Variants in ZNF704 observed in about 807,000 individuals in gnomAD.
ZNF704 encodes zinc finger protein 704.
ZNF704 carries 10 observed loss-of-function variants against 44.7 expected under a neutral mutation model. The ratio of observed to expected loss-of-function variants is 0.22; its 90% CI spans 0.14 to 0.38. ZNF704 has a LOEUF of 0.38. Ranked by LOEUF, ZNF704 falls within the 10% of genes least tolerant of loss-of-function variation. The pLI is 1.00. For synonymous variants in ZNF704, 211 were observed against 207.6 expected, an observed-to-expected ratio of 1.02 and a Z score of -0.14; for missense variants, 390 against 545.5, an observed-to-expected ratio of 0.71 and a Z score of 2.84.
chr8:80,784,442 T>C (rs1243681171), intron 2 of ZNF704, among the ~76,000 whole-genome samples: 1 of 152,222 alleles, frequency 6.6e-6, no homozygotes, highest in Non-Finnish European at 1.5e-5. Context: ...GTTGTCAGTG[T>C]TCTGGATCTT....
chr8:80,722,051 A>G (rs905570079), intron 2 of ZNF704, among the ~76,000 whole-genome samples: 4 of 152,164 alleles, frequency 2.6e-5, no homozygotes, highest in Non-Finnish European at 5.9e-5. Flanking sequence ...AGCCTGTGCA[A>G]CATGGCAAGA....
At chr8:80,685,276 G>C (rs1818517137) in intron 4 of ZNF704, among the ~76,000 whole-genome samples, 1 of 152,108 alleles carries the variant, frequency 6.6e-6, no homozygotes, top group African/African-American at 2.4e-5. Context: ...AATTGTGATG[G>C]AAGAGTGTGA....
intron 3 of ZNF704, among the ~76,000 whole-genome samples, chr8:80,692,628 T>G (rs1468814809): frequency 6.6e-6 from 1 of 152,152 alleles, no homozygotes; most frequent in African/African-American, 2.4e-5. Context: ...AATCTGAGAG[T>G]TCTTTGATCC....
chr8:80,719,835 T>C (rs1819134717), intron 2 of ZNF704, among the ~76,000 whole-genome samples: 1 of 152,210 alleles, frequency 6.6e-6, no homozygotes, highest in Non-Finnish European at 1.5e-5. Context: ...GAACTGAATC[T>C]GCCTTCCAGC....
chr8:80,684,353 T>C (rs1001396997), intron 4 of ZNF704, among the ~76,000 whole-genome samples: 1 of 152,198 alleles, frequency 6.6e-6, no homozygotes, highest in Admixed American at 6.5e-5. Flanking sequence ...ACAATACTTA[T>C]CCTTATTATG....
chr8:80,694,183 A>G (rs1818688225), intron 2 of ZNF704: 1 of 152,320 alleles, frequency 6.6e-6, no homozygotes, highest in Non-Finnish European at 1.5e-5. Flanking sequence ...AAATTTTTTA[A>G]AACTACTTAC....
At position 80,874,505 on chromosome 8, in the gene ZNF704, A is replaced by T. The variant is rs985741176; in HGVS notation, c.-22+66T>A. On this transcript the variant is annotated intron_variant, in intron 1 of 8. Coordinates refer to ENST00000327835, the MANE Select transcript of ZNF704 (RefSeq NM_001033723.3). The surrounding 1 kb of genome is among the most constrained non-coding windows in gnomAD (Gnocchi z 4.4). Reference sequence around the variant, plus strand: ...ACCACCGCCCCCCTCTTCGCGAGCCATTCCTCACAACCCTCCGGTCCCCCC... The same window carrying T: ...ACCACCGCCCCCCTCTTCGCGAGCCTTTCCTCACAACCCTCCGGTCCCCCC... The T allele has an allele frequency of 2.0e-5, 3 of 150,962 alleles. No individual in the cohort carries two copies. The highest frequency in any genetic ancestry group is 7.3e-5 in the African/African-American group (3 of 41,132). The allele number at this position is 150,962 out of a possible 1,614,324, so 9.4% of individuals were successfully genotyped here. A position where few individuals can be genotyped will look rare whatever the true frequency, so the allele number is the denominator to read the frequency against.
At chr8:80,862,779 A>G (rs1043581108) in intron 1 of ZNF704, among the ~76,000 whole-genome samples, 6 of 148,766 alleles carry the variant, frequency 4.0e-5, no homozygotes, top group Admixed American at 1.3e-4. Flanking sequence ...AAAAAAAAAA[A>G]AAAAAAAAAA....
chr8:80,705,453 GTCTC>G lies in ZNF704; in HGVS notation c.222-12350_222-12347del, dbSNP rs550596180. Among the ~76,000 whole-genome samples, 307 of 151,772 alleles carry G rather than the reference GTCTC, an allele frequency of 2.0e-3. 2 individuals are homozygous for G. Among genetic ancestry groups the G allele is most frequent in the South Asian group, 8.6e-3 (41 of 4,776 alleles). On this transcript the variant is annotated intron_variant, in intron 2 of 8. Transcript: ENST00000327835. ...ATGTGGGTTGATGTCCTGGGTGTGT[GTCTC>G]TCTCTGTGTGCACAGCTATGTGTGT...
intron 4 of ZNF704, among the ~76,000 whole-genome samples, chr8:80,679,897 T>C (rs1385083907): frequency 6.6e-6 from 1 of 152,198 alleles, no homozygotes; most frequent in East Asian, 1.9e-4. Context: ...ATTGATGCTG[T>C]GGGCCACAAT....
intron 2 of ZNF704, among the ~76,000 whole-genome samples, chr8:80,787,186 G>A (rs2129731625): frequency 6.6e-6 from 1 of 152,290 alleles, no homozygotes; most frequent in East Asian, 1.9e-4. Context: ...GGAAGCATCT[G>A]GGATACCATC....
intron 2 of ZNF704, among the ~76,000 whole-genome samples, chr8:80,708,430 T>G (rs1818930195): frequency 6.6e-6 from 1 of 152,236 alleles, no homozygotes; most frequent in East Asian, 1.9e-4. Context: ...AGGTTAGTAA[T>G]GCCAAACAGG....
the ZNF704 span, among the ~76,000 whole-genome samples, chr8:80,884,367 C>T: frequency 7.8e-4 from 119 of 152,112 alleles, no homozygotes; most frequent in African/African-American, 2.8e-3. Context: ...AGCTGCTTGT[C>T]CCACCACCTC....
chr8:80,769,539 G>C (rs1277590428), intron 2 of ZNF704, among the ~76,000 whole-genome samples: 1 of 152,108 alleles, frequency 6.6e-6, no homozygotes, highest in Non-Finnish European at 1.5e-5. Flanking sequence ...CAAAGTTCCA[G>C]GAATCACTAG....
At chr8:80,844,833 A>T (rs866898902) in intron 1 of ZNF704, among the ~76,000 whole-genome samples, 3 of 133,316 alleles carry the variant, frequency 2.3e-5, no homozygotes, top group East Asian at 3.9e-4. Context: ...TTCTCTTTTT[A>T]TTTATTTATT....
rs142848108 is a variant in ZNF704 at position 80,664,143 on chromosome 8, C to T, written c.927+672G>A. 8.4e-3 allele frequency among the ~76,000 whole-genome samples: 1,278 copies of T among 151,888 alleles called. 16 individuals carry two copies. Among genetic ancestry groups the T allele is most frequent in the Non-Finnish European group, 8.9e-3 (604 of 67,996 alleles). The stretch of plus-strand genomic sequence containing the variant: ...AACAGAGTCTCGCTCTGTCGCCAGG[C>T]TGGAGTACAGTGGTGCGATCTTGGC... On this transcript the variant is annotated intron_variant, in intron 6 of 8. Coordinates refer to ENST00000327835, the MANE Select transcript of ZNF704 (RefSeq NM_001033723.3).
intron 2 of ZNF704, among the ~76,000 whole-genome samples, chr8:80,733,487 G>A (rs1806616486): frequency 6.6e-6 from 1 of 152,156 alleles, no homozygotes; most frequent in Admixed American, 6.5e-5. Flanking sequence ...TCAATTTCAA[G>A]GATTAAAACT....
At chr8:80,714,503 GT>G (rs1401597518) in intron 2 of ZNF704, among the ~76,000 whole-genome samples, 2 of 152,058 alleles carry the variant, frequency 1.3e-5, no homozygotes, top group Non-Finnish European at 2.9e-5. Flanking sequence ...CTCTGAGGTG[GT>G]ATTAGAAACC....
intron 1 of ZNF704, among the ~76,000 whole-genome samples, chr8:80,864,915 T>C (rs1026578189): frequency 7.2e-5 from 11 of 152,172 alleles, no homozygotes; most frequent in African/African-American, 2.7e-4. Flanking sequence ...ACAACCACTA[T>C]AGATCTGAAC....
Sources: allele counts gnomAD v4.1 joint callset (sites outside exome capture counted in the v4.1 genomes callset), GRCh38; gene constraint gnomAD v4.1.1; non-coding constraint Gnocchi (gnomAD v3.1); transcripts MANE v1.5; gene names NCBI Gene and HGNC (gene_info 2026-07-23, HGNC 2026-07-21).